The following PRDM11 variants were observed in gnomAD, a reference collection of about 807,000 sequenced individuals.
The protein encoded by PRDM11 is PR/SET domain 11.
A neutral mutation model predicts 97.8 loss-of-function variants in PRDM11; 20 were observed. That is an observed-to-expected ratio of 0.20 (90% CI 0.14 to 0.30). The LOEUF is 0.30. PRDM11 is among the 10% of genes least tolerant of loss of function. PRDM11 has a pLI of 1.00. For synonymous variants in PRDM11, 599 were observed against 637.7 expected (o/e 0.94, Z 0.91); for missense variants, 1,139 against 1,555.2 (o/e 0.73, Z 4.50).
intron 1 of PRDM11, among the ~76,000 whole-genome samples, chr11:45,132,077 C>T (rs910388370): frequency 5.9e-5 from 9 of 152,206 alleles, no homozygotes; most frequent in Non-Finnish European, 1.2e-4. Context: ...CATTCTTGTG[C>T]ATCTCACTGG....
Position 45,226,368 on chromosome 11 carries a change from G to A in PRDM11, c.1743G>A (p.Lys581=), listed in dbSNP as rs1363337926. The change falls in exon 8 of 8, where the codon AAG becomes AAA. Residue 581 remains lysine, a synonymous_variant. Transcript: ENST00000683152. ...QLYKLRMHPE[K]TEEMCRNMTL... ...ACAAGCTCCGCATGCACCCGGAGAA[G>A]ACAGAGGAGATGTGTCGCAACATGA... is the stretch of plus-strand genomic sequence containing the variant. 1.3e-6 allele frequency: 2 copies of A among 1,533,878 alleles called. No individual in the cohort carries two copies. The highest frequency in any genetic ancestry group is 8.7e-7 in the Non-Finnish European group (1 of 1,146,758).
chr11:45,179,667 G>A (rs903413026), intron 1 of PRDM11, among the ~76,000 whole-genome samples: 1 of 152,130 alleles, frequency 6.6e-6, no homozygotes, highest in Non-Finnish European at 1.5e-5. Context: ...CCTTATAAGG[G>A]CACCTAACCC....
In PRDM11 at chr11:45,098,380, G is replaced by A. The variant is rs139107314; in HGVS notation, c.96+2479G>A. ...GACTCTGCACCAGACACCAGGGAAG[G>A]AAGAGCACAGATGAATGGAGACTGT... is the stretch of plus-strand genomic sequence containing the variant. On this transcript the variant is annotated intron_variant, in intron 1 of 6. Transcript: ENST00000530656. Among the ~76,000 whole-genome samples the A allele has an allele frequency of 2.7e-3, 407 of 152,346 alleles. 3 individuals are homozygous for A. Among genetic ancestry groups the A allele is most frequent in the African/African-American group, 9.5e-3 (395 of 41,578 alleles).
chr11:45,144,050 G>A (rs374168228), upstream of PRDM11, among the ~76,000 whole-genome samples: 2 of 152,316 alleles, frequency 1.3e-5, no homozygotes, highest in South Asian at 4.1e-4. Flanking sequence ...TTGACCCAGA[G>A]CACATGTGTC....
chr11:45,224,656 C>G lies in PRDM11; in HGVS notation c.1182C>G (p.Ala394=), dbSNP rs150603526. ...EPSSFKADSP[A]EASLASDPHE... ...CATCATTCAAGGCCGACAGTCCTGCCGAGGCCTCCCTTGCATCTGACCCTC... is the reference window on the plus strand; with the variant it reads ...CATCATTCAAGGCCGACAGTCCTGCGGAGGCCTCCCTTGCATCTGACCCTC... Residue 394 remains alanine (A), a synonymous_variant, in exon 7 of 8, where the codon GCC becomes GCG. Transcript: ENST00000683152. 3.7e-6 allele frequency: 6 copies of G among 1,614,174 alleles called. No individual in the cohort carries two copies. The African/African-American group carries it at 8.0e-5, about 22-fold the overall frequency.
chr11:45,142,804 T>A (rs1851433250), upstream of PRDM11, among the ~76,000 whole-genome samples: 1 of 152,226 alleles, frequency 6.6e-6, no homozygotes, highest in South Asian at 2.1e-4. Context: ...AGAACAGAAC[T>A]GTGCCTGGCT....
intron 1 of PRDM11, among the ~76,000 whole-genome samples, chr11:45,106,719 C>T (rs1852067494): frequency 6.6e-6 from 1 of 152,206 alleles, no homozygotes; most frequent in Non-Finnish European, 1.5e-5. Context: ...TGCTCCACTC[C>T]ACGTGGTCTG....
At chr11:45,117,215 A>G (rs1358883371) in intron 1 of PRDM11, among the ~76,000 whole-genome samples, 2 of 120,336 alleles carry the variant, frequency 1.7e-5, no homozygotes, top group African/African-American at 3.3e-5. Context: ...GAGTGAGATG[A>G]GACTCCATCT....
intron 5 of PRDM11, chr11:45,209,328 C>T (rs572746104): frequency 2.0e-5 from 7 of 353,942 alleles, no homozygotes; most frequent in East Asian, 1.5e-4. Context: ...GCCACCCAGC[C>T]GGCTGCCTGC....
chr11:45,134,006 T>C (rs1852775411), intron 1 of PRDM11, among the ~76,000 whole-genome samples: 1 of 152,130 alleles, frequency 6.6e-6, no homozygotes, highest in South Asian at 2.1e-4. Context: ...TGCAGCTGGG[T>C]GAAGCTCACC....
chr11:45,230,079 CTT>C lies in PRDM11; in HGVS notation c.*1922_*1923del, dbSNP rs1441824272. 4 of 151,614 alleles carry C rather than the reference CTT, an allele frequency of 2.6e-5. No homozygotes were observed. The highest frequency in any genetic ancestry group is 4.4e-5 in the Non-Finnish European group (3 of 67,962). The allele number at this position is 151,614 out of a possible 1,614,324, so 9.4% of individuals were successfully genotyped here. A position where few individuals can be genotyped will look rare whatever the true frequency, so the allele number is the denominator to read the frequency against. ...CTCCATGGTCTTGGTGCTAAGATAA[CTT>C]TAGAATCATTGCTGCTAGTCAATAG... On this transcript the variant is annotated 3_prime_UTR_variant, in exon 8 of 8. Coordinates refer to ENST00000683152, the MANE Select transcript of PRDM11 (RefSeq NM_001384648.1).
chr11:45,167,088 C>A (rs1430286012), intron 1 of PRDM11, among the ~76,000 whole-genome samples: 1 of 152,188 alleles, frequency 6.6e-6, no homozygotes, highest in East Asian at 1.9e-4. Flanking sequence ...ATAATTCACC[C>A]TGCAGGGTTA....
intron 1 of PRDM11, among the ~76,000 whole-genome samples, chr11:45,152,344 G>A (rs1354036822): frequency 2.0e-5 from 3 of 152,190 alleles, no homozygotes; most frequent in Non-Finnish European, 2.9e-5. Flanking sequence ...TGGGATTACA[G>A]GTATGAACTA....
At chr11:45,114,831 A>C (rs1302142044) in intron 1 of PRDM11, among the ~76,000 whole-genome samples, 6 of 152,100 alleles carry the variant, frequency 3.9e-5, no homozygotes, top group Admixed American at 1.3e-4. Flanking sequence ...GGAAAAAAAA[A>C]CTTAGAATTA....
chr11:45,149,685 G>A (rs967077539), intron 1 of PRDM11, among the ~76,000 whole-genome samples: 2 of 152,210 alleles, frequency 1.3e-5, no homozygotes, highest in African/African-American at 2.4e-5. Flanking sequence ...CTTTCCCTGT[G>A]GCATGGCAAC....
chr11:45,133,574 G>A (rs763535543), intron 1 of PRDM11, among the ~76,000 whole-genome samples: 4 of 152,170 alleles, frequency 2.6e-5, no homozygotes, highest in Admixed American at 1.3e-4. Flanking sequence ...GAGCCAACAC[G>A]TTATTCTTTT....
At chr11:45,122,397 TGTATACATG>T (rs1852455737) in intron 1 of PRDM11, among the ~76,000 whole-genome samples, 1 of 151,896 alleles carries the variant, frequency 6.6e-6, no homozygotes, top group Non-Finnish European at 1.5e-5. Context: ...CATGTATACA[TGTATACATG>T]GTATACATAT....
intron 1 of PRDM11, among the ~76,000 whole-genome samples, chr11:45,176,449 A>G (rs181836650): frequency 1.3e-5 from 2 of 152,308 alleles, no homozygotes; most frequent in Admixed American, 1.3e-4. Context: ...AAAATGAATG[A>G]TAATATTTAT....
intron 4 of PRDM11, among the ~76,000 whole-genome samples, chr11:45,190,613 C>T (rs1486872704): frequency 1.3e-5 from 2 of 151,656 alleles, no homozygotes; most frequent in Non-Finnish European, 2.9e-5. Context: ...TAAATACTTT[C>T]GGCTTTATGG....
Sources: allele counts gnomAD v4.1 joint callset (sites outside exome capture counted in the v4.1 genomes callset), GRCh38; gene constraint gnomAD v4.1.1; transcripts MANE v1.5; gene names NCBI Gene and HGNC (gene_info 2026-07-23, HGNC 2026-07-21).